ITPR2: variants seen among roughly 807,000 people sequenced by gnomAD.
The protein encoded by ITPR2 is inositol 1,4,5-trisphosphate-gated calcium channel ITPR2.
Under a neutral mutation model 317.1 loss-of-function variants are expected in ITPR2, and 207 were observed. The observed-to-expected ratio is 0.65, with a 90% CI of 0.58 to 0.73. The LOEUF (loss-of-function observed/expected upper bound fraction) is 0.73, where lower values mean the gene tolerates loss of function less well. ITPR2 is among the 30% of genes least tolerant of loss of function. The probability of loss-of-function intolerance (pLI) is 0.00; values close to 1 mark genes in which losing one functional copy is unlikely to be tolerated. For synonymous variants in ITPR2, 1,156 were observed against 1,149.1 expected, an observed-to-expected ratio of 1.01 and a Z score of -0.12; for missense variants, 2,613 against 3,284.0, an observed-to-expected ratio of 0.80 and a Z score of 4.99.
At chr12:26,787,215 C>T (rs755476361) in intron 2 of ITPR2, among the ~76,000 whole-genome samples, 4 of 152,194 alleles carry the variant, frequency 2.6e-5, no homozygotes, top group Non-Finnish European at 4.4e-5. Flanking sequence ...GGGAGAAAGG[C>T]TGGAGCTTTA....
intron 21 of ITPR2, among the ~76,000 whole-genome samples, chr12:26,643,009 C>A (rs1489028747): frequency 6.6e-6 from 1 of 152,166 alleles, no homozygotes; most frequent in African/African-American, 2.4e-5. Flanking sequence ...GAAGTAGAAC[C>A]TTTGGGAGGT....
chr12:26,421,109 C>T (rs748521005), intron 49 of ITPR2, among the ~76,000 whole-genome samples: 11 of 152,010 alleles, frequency 7.2e-5, no homozygotes, highest in Non-Finnish European at 1.6e-4. Context: ...TTATAAGCTC[C>T]ATATACTGAG....
chr12:26,717,745 C>T (rs932618732), intron 5 of ITPR2, among the ~76,000 whole-genome samples: 1 of 152,190 alleles, frequency 6.6e-6, no homozygotes, highest in Admixed American at 6.5e-5. Flanking sequence ...AGAAATCGGA[C>T]AGATGGAATA....
At chr12:26,678,255 T>C (rs1947957058) in intron 13 of ITPR2, among the ~76,000 whole-genome samples, 1 of 152,146 alleles carries the variant, frequency 6.6e-6, no homozygotes, top group Admixed American at 6.5e-5. Context: ...TCCCTGACAA[T>C]ATGTTCCCAG....
intron 21 of ITPR2, among the ~76,000 whole-genome samples, chr12:26,635,610 T>G (rs1946848248): frequency 1.3e-5 from 2 of 152,236 alleles, no homozygotes; most frequent in Admixed American, 1.3e-4. Flanking sequence ...TTATTTTCCC[T>G]GAAACATATT....
chr12:26,447,205 C>A (rs376487245), intron 45 of ITPR2, among the ~76,000 whole-genome samples: 3 of 151,906 alleles, frequency 2.0e-5, no homozygotes. Flanking sequence ...TATATTTATG[C>A]GTTTAAGTGG....
chr12:26,394,387 G>A (rs1939932657), intron 54 of ITPR2, among the ~76,000 whole-genome samples: 1 of 152,208 alleles, frequency 6.6e-6, no homozygotes, highest in Admixed American at 6.5e-5. Flanking sequence ...TCCGATGTGT[G>A]AGATCGGAGA....
At chr12:26,508,288 C>T (rs922266278) in intron 37 of ITPR2, among the ~76,000 whole-genome samples, 1 of 152,116 alleles carries the variant, frequency 6.6e-6, no homozygotes. Flanking sequence ...AATAAGTACA[C>T]CTTTTAATCT....
intron 15 of ITPR2, among the ~76,000 whole-genome samples, chr12:26,662,683 T>C (rs1369092443): frequency 1.3e-5 from 2 of 152,176 alleles, no homozygotes; most frequent in Non-Finnish European, 2.9e-5. Flanking sequence ...TTTTGTTTTG[T>C]TTTTTATGAG....
chr12:26,556,277 A>G lies in ITPR2; in HGVS notation c.4920T>C (p.Pro1640=). ...ATCTTATTCTTGCATCGCTTCCCTC[A>G]GGGAACAGCAGTTCTGGACTGTACA... ...DVLYSPELLF[P]EGSDARIRCG... Residue 1640 remains proline, a synonymous_variant, in exon 36 of 57, where the codon CCT becomes CCC. Coordinates refer to ENST00000381340, the MANE Select transcript of ITPR2 (RefSeq NM_002223.4). 2 of 1,613,928 alleles carry G rather than the reference A, an allele frequency of 1.2e-6. No homozygotes were observed. The highest frequency in any genetic ancestry group is 1.1e-5 in the South Asian group (1 of 91,026).
intron 26 of ITPR2, among the ~76,000 whole-genome samples, chr12:26,615,548 T>A (rs1037059195): frequency 1.3e-5 from 2 of 152,132 alleles, no homozygotes; most frequent in Non-Finnish European, 2.9e-5. Context: ...CTAATAAAGT[T>A]TAACATGAAC....
chr12:26,410,246 T>C (rs1940497604), intron 52 of ITPR2, among the ~76,000 whole-genome samples: 1 of 152,178 alleles, frequency 6.6e-6, no homozygotes, highest in Admixed American at 6.5e-5. Flanking sequence ...GTTCTTATTG[T>C]GAGCCTTGAC....
Position 26,767,524 on chromosome 12 carries a change from A to G in ITPR2, c.163+22633T>C, listed in dbSNP as rs143862840. On this transcript the variant is annotated intron_variant, in intron 2 of 56. Transcript: ENST00000381340. ...ACATTTTGGAAAATCAAAAGACTAT[A>G]AAGAAAATATCACACCTCTTTTCAT... 3.5e-3 allele frequency among the ~76,000 whole-genome samples: 529 copies of G among 152,358 alleles called. 4 individuals carry two copies. Among genetic ancestry groups the G allele is most frequent in the African/African-American group, 0.012 (514 of 41,580 alleles).
chr12:26,356,443 T>C (rs1415553931), intron 55 of ITPR2, among the ~76,000 whole-genome samples: 4 of 152,254 alleles, frequency 2.6e-5, no homozygotes, highest in Admixed American at 2.6e-4. Context: ...GAATACGGTA[T>C]GCTCTAATTC....
intron 32 of ITPR2, among the ~76,000 whole-genome samples, chr12:26,591,578 C>T (rs1945705572): frequency 2.0e-5 from 3 of 151,996 alleles, no homozygotes; most frequent in African/African-American, 7.3e-5. Flanking sequence ...GCCTGTAATC[C>T]CAGTACTTTG....
At chr12:26,488,119 A>G (rs879431134) in intron 39 of ITPR2, among the ~76,000 whole-genome samples, 22 of 152,242 alleles carry the variant, frequency 1.4e-4, no homozygotes, top group Non-Finnish European at 2.4e-4. Flanking sequence ...AGAAGACAGA[A>G]TTTGAAGTGG....
chr12:26,781,085 T>C (rs1166720996), intron 2 of ITPR2, among the ~76,000 whole-genome samples: 2 of 152,234 alleles, frequency 1.3e-5, no homozygotes, highest in Admixed American at 6.5e-5. Flanking sequence ...AGTATTACCA[T>C]GCCTTGTGAT....
intron 39 of ITPR2, among the ~76,000 whole-genome samples, chr12:26,491,799 G>A: frequency 6.6e-6 from 1 of 152,196 alleles, no homozygotes; most frequent in Non-Finnish European, 1.5e-5. Context: ...GGTAGATGGA[G>A]TGCCAGTCAC....
At chr12:26,624,203 T>C (rs761147461) in intron 24 of ITPR2, 96 bp downstream of exon 24, 7 of 835,518 alleles carry the variant, frequency 8.4e-6, no homozygotes, top group Admixed American at 2.5e-5. Flanking sequence ...GGTCTAAAAA[T>C]AAATAGATAT....
Sources: gnomAD v4.1 joint callset for allele counts (sites outside exome capture counted in the v4.1 genomes callset) on GRCh38, gnomAD v4.1.1 for gene constraint, MANE v1.5 for transcripts, NCBI Gene and HGNC (gene_info 2026-07-23, HGNC 2026-07-21) for gene names.